SCN2A: variants seen among roughly 807,000 people sequenced by gnomAD.
SCN2A encodes the protein sodium channel protein type 2 subunit alpha.
Under a neutral mutation model 188.7 loss-of-function variants are expected in SCN2A, and 20 were observed. The observed-to-expected ratio is 0.11, with a 90% confidence interval of 0.07 to 0.15. The LOEUF (loss-of-function observed/expected upper bound fraction) is 0.15. Ranked by LOEUF, SCN2A falls within the 10% of genes least tolerant of loss-of-function variation. The probability of loss-of-function intolerance (pLI) is 1.00; values close to 1 mark genes in which losing one functional copy is unlikely to be tolerated. For synonymous variants in SCN2A, 804 were observed against 833.1 expected (o/e 0.97, Z 0.60); for missense variants, 1,278 against 2,445.0 (o/e 0.52, Z 10.07).
At chr2:165,318,578 T>C (rs930692516) in intron 11 of SCN2A, among the ~76,000 whole-genome samples, 2 of 152,228 alleles carry the variant, frequency 1.3e-5, no homozygotes, top group Admixed American at 6.5e-5. Flanking sequence ...ATTTCTCATA[T>C]AGCTGTCACA....
intron 1 of SCN2A, among the ~76,000 whole-genome samples, chr2:165,290,218 G>A (rs963985108): frequency 1.3e-5 from 2 of 151,902 alleles, no homozygotes; most frequent in Admixed American, 6.6e-5. Context: ...CTTTGTATTG[G>A]GAACATTCAA....
intron 24 of SCN2A, 22 bp from the exon 25 acceptor site, chr2:165,381,071 A>C (rs1339357462): frequency 1.2e-5 from 17 of 1,478,160 alleles, no homozygotes; most frequent in Non-Finnish European, 1.4e-5. Context: ...AATTTTAACA[A>C]GTGTTGCTTT....
At chr2:165,345,944 A>G (rs1218765101) in intron 16 of SCN2A, among the ~76,000 whole-genome samples, 1 of 152,064 alleles carries the variant, frequency 6.6e-6, no homozygotes, top group Non-Finnish European at 1.5e-5. Flanking sequence ...TCTGTAAATG[A>G]TTTTATTTCT....
intron 25 of SCN2A, 102 bp from the exon 26 acceptor site, chr2:165,386,644 T>C: frequency 8.1e-7 from 1 of 1,240,562 alleles, no homozygotes; most frequent in South Asian, 1.4e-5. Context: ...AAGATGTGTT[T>C]TTATAAAAGC....
At chr2:165,248,759 T>C (rs1448632147) in intron 1 of SCN2A, among the ~76,000 whole-genome samples, 1 of 152,170 alleles carries the variant, frequency 6.6e-6, no homozygotes, top group Non-Finnish European at 1.5e-5. Flanking sequence ...TTTGGTGCAC[T>C]GATGTTTCAC....
intron 1 of SCN2A, chr2:165,272,287 A>T (rs959109761): frequency 6.6e-6 from 1 of 152,084 alleles, no homozygotes; most frequent in African/African-American, 2.4e-5. Context: ...TTATTGGGGA[A>T]AAAAAGGCCA....
intron 1 of SCN2A, chr2:165,269,440 G>T (rs867539923): frequency 6.6e-6 from 1 of 151,966 alleles, no homozygotes; most frequent in Admixed American, 6.6e-5. Context: ...CCAAATTCAG[G>T]CTTCCCTACT....
chr2:165,308,582 G>A, intron 4 of SCN2A, 84 bp from the exon 5 acceptor site: 2 of 1,477,404 alleles, frequency 1.4e-6, no homozygotes, highest in South Asian at 2.3e-5. Context: ...TCTAATTTTT[G>A]TTTGCTGTTT....
rs371710877 is a variant in SCN2A at position 165,369,541 on chromosome 2, G to A, written c.3676-585G>A. Among the ~76,000 whole-genome samples, 38 of 152,306 alleles carry A rather than the reference G, an allele frequency of 2.5e-4. No homozygotes were observed. In the East Asian group the frequency reaches 7.3e-3, roughly 29 times the overall value. ...ATAATTTTTCCGATAAGAAGATCAA[G>A]TTAGATAAATAGTCTTTTCATTCTG... is the stretch of plus-strand genomic sequence containing the variant. On this transcript the variant is annotated intron_variant, in intron 19 of 26. Coordinates refer to ENST00000375437, the MANE Select transcript of SCN2A (RefSeq NM_001040142.2).
intron 1 of SCN2A, among the ~76,000 whole-genome samples, chr2:165,248,465 C>A (rs2106063003): frequency 6.6e-6 from 1 of 152,232 alleles, no homozygotes; most frequent in East Asian, 1.9e-4. Flanking sequence ...AACCTCCTCA[C>A]CTGTTTAAAA....
intron 16 of SCN2A, among the ~76,000 whole-genome samples, chr2:165,351,195 A>G (rs866337376): frequency 6.6e-6 from 1 of 152,236 alleles, no homozygotes; most frequent in African/African-American, 2.4e-5. Flanking sequence ...CAAGTAATCT[A>G]TAGAACTAAG....
At chr2:165,291,546 T>TC (rs1696189583) in intron 1 of SCN2A, among the ~76,000 whole-genome samples, 2 of 115,426 alleles carry the variant, frequency 1.7e-5, no homozygotes, top group African/African-American at 3.3e-5. Context: ...CCTTCCTTCC[T>TC]TCCTTCCTTC....
chr2:165,316,170 T>A (rs1034733699), intron 11 of SCN2A, among the ~76,000 whole-genome samples: 2 of 152,182 alleles, frequency 1.3e-5, no homozygotes, highest in African/African-American at 4.8e-5. Flanking sequence ...GTTGTTCCCA[T>A]AAGGTGCAAA....
At chr2:165,378,674 A>G (rs548941997) in intron 23 of SCN2A, among the ~76,000 whole-genome samples, 2 of 151,836 alleles carry the variant, frequency 1.3e-5, no homozygotes, top group East Asian at 3.9e-4. Flanking sequence ...TTGATTAATT[A>G]ATTCAATGCT....
chr2:165,337,709 C>G (rs961218778), intron 14 of SCN2A, among the ~76,000 whole-genome samples: 1 of 151,914 alleles, frequency 6.6e-6, no homozygotes, highest in African/African-American at 2.4e-5. Context: ...AACTATCCAT[C>G]AGAAATTAAA....
intron 14 of SCN2A, among the ~76,000 whole-genome samples, chr2:165,337,643 A>G (rs1574625319): frequency 3.3e-5 from 5 of 152,284 alleles, no homozygotes; most frequent in Admixed American, 3.3e-4. Flanking sequence ...TTCAGGCCAG[A>G]AGAAAGTGGC....
chr2:165,298,483 A>G (rs2106153453), intron 3 of SCN2A, among the ~76,000 whole-genome samples: 1 of 152,250 alleles, frequency 6.6e-6, no homozygotes, highest in African/African-American at 2.4e-5. Flanking sequence ...TCCCCAGTTT[A>G]GGTGGATATC....
At chr2:165,288,936 C>G (rs1025300152) in intron 1 of SCN2A, among the ~76,000 whole-genome samples, 1 of 151,740 alleles carries the variant, frequency 6.6e-6, no homozygotes, top group Non-Finnish European at 1.5e-5. Context: ...TGTAATGTAC[C>G]AAAGAACCCA....
chr2:165,327,110 CAG>C, intron 13 of SCN2A, 126 bp downstream of exon 13: 6 of 1,227,982 alleles, frequency 4.9e-6, no homozygotes, highest in Non-Finnish European at 5.9e-6. Context: ...TACTAAATAA[CAG>C]TAAAATCCGT....
Sources: gnomAD v4.1 joint callset for allele counts (sites outside exome capture counted in the v4.1 genomes callset) on GRCh38, gnomAD v4.1.1 for gene constraint, MANE v1.5 for transcripts, NCBI Gene and HGNC (gene_info 2026-07-23, HGNC 2026-07-21) for gene names.